The following PRDM5 variants were observed in gnomAD, a reference collection of about 807,000 sequenced individuals.
The protein encoded by PRDM5 is PR/SET domain 5.
A neutral mutation model predicts 81.2 loss-of-function variants in PRDM5; 56 were observed. The observed-to-expected ratio is 0.69, with a 90% CI of 0.56 to 0.86. PRDM5 has a LOEUF of 0.86. Ranked by LOEUF, PRDM5 falls within the 40% of genes least tolerant of loss-of-function variation. The probability of loss-of-function intolerance (pLI) is 0.00; values close to 1 mark genes in which losing one functional copy is unlikely to be tolerated. For synonymous variants in PRDM5, 267 were observed against 256.4 expected, an observed-to-expected ratio of 1.04 and a Z score of -0.39; for missense variants, 697 against 770.1, an observed-to-expected ratio of 0.91 and a Z score of 1.12.
intron 15 of PRDM5, among the ~76,000 whole-genome samples, chr4:120,696,171 CAAT>C (rs1734497131): frequency 6.6e-6 from 1 of 152,014 alleles, no homozygotes; most frequent in East Asian, 1.9e-4. Context: ...GGGGGTAATC[CAAT>C]AATAATGAAT....
At chr4:120,891,099 A>T (rs1205394747) in intron 2 of PRDM5, among the ~76,000 whole-genome samples, 1 of 152,204 alleles carries the variant, frequency 6.6e-6, no homozygotes, top group East Asian at 1.9e-4. Context: ...TAGTTTCAGT[A>T]GGAATGGCAC....
intron 2 of PRDM5, among the ~76,000 whole-genome samples, chr4:120,904,930 C>A (rs72680484): frequency 0.074 from 11,279 of 152,006 alleles, 545 homozygotes; most frequent in Middle Eastern, 0.19. Flanking sequence ...AAAGAAAAAA[C>A]CTGTTAAAAA....
At chr4:120,687,965 A>C (rs1315445199), downstream of PRDM5, among the ~76,000 whole-genome samples, 1 of 152,176 alleles carries the variant, frequency 6.6e-6, no homozygotes, top group Non-Finnish European at 1.5e-5. Flanking sequence ...GTATTATGAT[A>C]TAGCAGCACA....
intron 15 of PRDM5, among the ~76,000 whole-genome samples, chr4:120,700,498 T>A (rs1735187784): frequency 6.6e-6 from 1 of 151,806 alleles, no homozygotes; most frequent in African/African-American, 2.4e-5. Context: ...AGCAAAACAA[T>A]CAATAAAATA....
intron 1 of PRDM5, among the ~76,000 whole-genome samples, chr4:120,909,330 T>C (rs1053522102): frequency 1.3e-5 from 2 of 152,214 alleles, no homozygotes; most frequent in African/African-American, 4.8e-5. Flanking sequence ...AGCAATGACC[T>C]GGGCCGTGCA....
chr4:120,781,713 C>T (rs986173055), intron 11 of PRDM5, among the ~76,000 whole-genome samples: 4 of 152,144 alleles, frequency 2.6e-5, no homozygotes, highest in African/African-American at 9.7e-5. Flanking sequence ...GTCCCTATAA[C>T]CTCCTGTGAA....
At chr4:120,732,991 A>G (rs1190550498) in intron 14 of PRDM5, among the ~76,000 whole-genome samples, 3 of 152,252 alleles carry the variant, frequency 2.0e-5, no homozygotes, top group Non-Finnish European at 4.4e-5. Context: ...CTAGCTAGTA[A>G]TAGCAAATAC....
At chr4:120,862,632 G>A (rs1373138789) in intron 2 of PRDM5, among the ~76,000 whole-genome samples, 2 of 152,150 alleles carry the variant, frequency 1.3e-5, no homozygotes, top group East Asian at 3.9e-4. Flanking sequence ...CTCTCAGAGT[G>A]TTCCCTGTCA....
intron 14 of PRDM5, among the ~76,000 whole-genome samples, chr4:120,741,882 G>C (rs1397924846): frequency 6.6e-6 from 1 of 152,200 alleles, no homozygotes; most frequent in Non-Finnish European, 1.5e-5. Flanking sequence ...GGCTTGCTTA[G>C]GTAAACAAAG....
chr4:120,835,967 A>G (rs1402112669), intron 3 of PRDM5, among the ~76,000 whole-genome samples: 1 of 152,136 alleles, frequency 6.6e-6, no homozygotes, highest in Non-Finnish European at 1.5e-5. Flanking sequence ...GTGGCTTCAT[A>G]ATGAGGGCAG....
chr4:120,841,521 A>G (rs567004510), intron 3 of PRDM5, among the ~76,000 whole-genome samples: 3 of 152,316 alleles, frequency 2.0e-5, no homozygotes, highest in East Asian at 3.9e-4. Context: ...TAATTTGTTT[A>G]TTGACTTCTT....
chr4:120,783,412 T>A (rs1027103227), intron 11 of PRDM5, among the ~76,000 whole-genome samples: 3 of 152,114 alleles, frequency 2.0e-5, no homozygotes, highest in African/African-American at 7.2e-5. Context: ...GTCACTTTAA[T>A]CCTATTTCTC....
chr4:120,836,267 T>C (rs1332656339), intron 3 of PRDM5, among the ~76,000 whole-genome samples: 1 of 152,210 alleles, frequency 6.6e-6, no homozygotes, highest in Admixed American at 6.5e-5. Context: ...TGAATGTTGA[T>C]GTCAGAAGTT....
intron 3 of PRDM5, among the ~76,000 whole-genome samples, chr4:120,840,479 C>T (rs1757897881): frequency 6.6e-6 from 1 of 152,128 alleles, no homozygotes; most frequent in Non-Finnish European, 1.5e-5. Flanking sequence ...GAACCCAGCA[C>T]CCTCAGCAGG....
chr4:120,851,055 T>C (rs1663704330), intron 3 of PRDM5, among the ~76,000 whole-genome samples: 1 of 152,148 alleles, frequency 6.6e-6, no homozygotes, highest in African/African-American at 2.4e-5. Flanking sequence ...CCTAAACAAG[T>C]ATTACCTAAG....
At chr4:120,906,711 C>A (rs1038833656) in intron 2 of PRDM5, among the ~76,000 whole-genome samples, 2 of 152,160 alleles carry the variant, frequency 1.3e-5, no homozygotes, top group Non-Finnish European at 2.9e-5. Flanking sequence ...CTGCAAAAGA[C>A]TGTCTCTAGT....
At chr4:120,888,615 A>G (rs1477659528) in intron 2 of PRDM5, among the ~76,000 whole-genome samples, 1 of 152,206 alleles carries the variant, frequency 6.6e-6, no homozygotes, top group Non-Finnish European at 1.5e-5. Context: ...TCTAGTTAAT[A>G]TCTGTCTAGT....
chr4:120,752,935 C>T (rs1357539060), intron 14 of PRDM5, among the ~76,000 whole-genome samples: 1 of 152,086 alleles, frequency 6.6e-6, no homozygotes, highest in Non-Finnish European at 1.5e-5. Context: ...GTATTATTCT[C>T]ATTAATAACT....
At chr4:120,796,697 T>C (rs1359757609) in intron 10 of PRDM5, among the ~76,000 whole-genome samples, 1 of 152,170 alleles carries the variant, frequency 6.6e-6, no homozygotes, top group Admixed American at 6.5e-5. Flanking sequence ...TAAGACACTA[T>C]AATCAACACT....
Sources: allele counts gnomAD v4.1 joint callset (sites outside exome capture counted in the v4.1 genomes callset), GRCh38; gene constraint gnomAD v4.1.1; transcripts MANE v1.5; gene names NCBI Gene and HGNC (gene_info 2026-07-23, HGNC 2026-07-21).